The following NLGN4X variants were observed in gnomAD, a reference collection of about 807,000 sequenced individuals.
NLGN4X encodes neuroligin 4 X-linked, also known as neuroligin-4, X-linked.
A neutral mutation model predicts 40.3 loss-of-function variants in NLGN4X; 3 were observed. That is an observed-to-expected ratio of 0.07 (90% CI 0.03 to 0.19). The LOEUF is 0.19. Ranked by LOEUF, NLGN4X falls within the 10% of genes least tolerant of loss-of-function variation. The probability of loss-of-function intolerance (pLI) is 1.00; values close to 1 mark genes in which losing one functional copy is unlikely to be tolerated. For missense variants in NLGN4X, 382 were observed against 708.3 expected, an observed-to-expected ratio of 0.54 and a Z score of 5.23; for synonymous variants, 270 against 306.8, an observed-to-expected ratio of 0.88 and a Z score of 1.25.
intron 2 of NLGN4X, among the ~76,000 whole-genome samples, chrX:6,119,384 ACT>A (rs1430200333): frequency 8.9e-6 from 1 of 112,346 alleles, no homozygotes; most frequent in Non-Finnish European, 1.9e-5. Context: ...AATAATACAA[ACT>A]GGTAAATACT....
At chrX:5,962,602 A>G (rs776964143) in intron 3 of NLGN4X, among the ~76,000 whole-genome samples, 12 of 112,359 alleles carry the variant, frequency 1.1e-4, no homozygotes, top group Non-Finnish European at 2.3e-4. Context: ...TTCCTATACT[A>G]TCTCCTTTTA....
chrX:5,963,361 G>C (rs976331488), intron 3 of NLGN4X, among the ~76,000 whole-genome samples: 2 of 111,870 alleles, frequency 1.8e-5, no homozygotes, highest in African/African-American at 6.5e-5. Context: ...TGGCTGAACT[G>C]TGTTCATGTT....
At chrX:5,999,622 C>G (rs932007128) in intron 3 of NLGN4X, among the ~76,000 whole-genome samples, 1 of 112,354 alleles carries the variant, frequency 8.9e-6, no homozygotes, top group Non-Finnish European at 1.9e-5. Flanking sequence ...AAATCAAACT[C>G]AATAATTGAA....
chrX:6,224,936 T>C (rs73457054), intron 1 of NLGN4X, among the ~76,000 whole-genome samples: 9,298 of 95,524 alleles, frequency 0.097, 464 homozygotes, highest in East Asian at 0.15. Context: ...CTGGCCCTGA[T>C]TATGTTCTTA....
At chrX:6,213,519 A>C (rs1924798328) in intron 1 of NLGN4X, among the ~76,000 whole-genome samples, 1 of 112,337 alleles carries the variant, frequency 8.9e-6, no homozygotes. Context: ...TAAGTGTAAC[A>C]GATGGTCACG....
intron 5 of NLGN4X, among the ~76,000 whole-genome samples, chrX:5,900,521 G>A (rs1398557047): frequency 9.9e-6 from 1 of 101,463 alleles, no homozygotes; most frequent in Admixed American, 1.1e-4. Context: ...AGCGTGAACC[G>A]ATACATTTCT....
intron 2 of NLGN4X, among the ~76,000 whole-genome samples, chrX:6,112,347 A>C (rs1029832815): frequency 9.0e-6 from 1 of 111,584 alleles, no homozygotes; most frequent in Non-Finnish European, 1.9e-5. Flanking sequence ...AGGAATTTGA[A>C]AAAAAGTTAC....
Position 5,891,062 on chromosome X carries a change from T to C in NLGN4X, c.*1755A>G, listed in dbSNP as rs1213016219. The C allele has an allele frequency of 1.3e-5, 4 of 297,191 alleles. No individual in the cohort carries two copies. The Admixed American group carries it at 1.5e-4, about 11-fold the overall frequency. 24.5% of individuals were successfully genotyped at this position (297,191 alleles called of 1,213,427 possible). On this transcript the variant is annotated 3_prime_UTR_variant, in exon 6 of 6. Coordinates refer to ENST00000381095, the MANE Select transcript of NLGN4X (RefSeq NM_181332.3). ...ATCTTTGGCTACTGTTTCTTGGTAATGCAATAATTTTTCAAAAAAGTATCC... is the reference window on the plus strand; with the variant it reads ...ATCTTTGGCTACTGTTTCTTGGTAACGCAATAATTTTTCAAAAAAGTATCC...
chrX:6,034,500 T>C (rs749370683), intron 2 of NLGN4X, among the ~76,000 whole-genome samples: 5 of 112,406 alleles, frequency 4.4e-5, no homozygotes, highest in Non-Finnish European at 7.5e-5. Flanking sequence ...ATTGCATAGA[T>C]ACCTAGGGGT....
At chrX:6,050,854 T>C (rs759977880) in intron 2 of NLGN4X, among the ~76,000 whole-genome samples, 1 of 111,692 alleles carries the variant, frequency 9.0e-6, no homozygotes, top group Non-Finnish European at 1.9e-5. Context: ...CCTATTTATC[T>C]CCTGGTGACC....
chrX:6,000,804 G>C (rs968515556), intron 3 of NLGN4X, among the ~76,000 whole-genome samples: 1 of 111,353 alleles, frequency 9.0e-6, no homozygotes, highest in Admixed American at 9.6e-5. Flanking sequence ...CCTTCAAACT[G>C]TTCCAATTTC....
intron 2 of NLGN4X, among the ~76,000 whole-genome samples, chrX:6,039,395 A>G (rs1044142260): frequency 4.5e-5 from 5 of 111,884 alleles, no homozygotes; most frequent in African/African-American, 1.3e-4. Context: ...GAATGAGCCC[A>G]GCCAAGACCA....
intron 3 of NLGN4X, among the ~76,000 whole-genome samples, chrX:5,928,866 T>A (rs904432624): frequency 9.1e-6 from 1 of 110,272 alleles, no homozygotes; most frequent in African/African-American, 3.3e-5. Flanking sequence ...AGTTTTTTTT[T>A]AGAGATGGTA....
At chrX:6,220,642 A>G (rs191273855) in intron 1 of NLGN4X, among the ~76,000 whole-genome samples, 74 of 107,885 alleles carry the variant, frequency 6.9e-4, no homozygotes, top group Non-Finnish European at 1.1e-3. Flanking sequence ...TTAAACACAT[A>G]CTTTCTACTT....
chrX:6,165,287 G>A (rs967728008), intron 1 of NLGN4X, among the ~76,000 whole-genome samples: 16 of 111,379 alleles, frequency 1.4e-4, no homozygotes, highest in African/African-American at 4.9e-4. Context: ...AGCATGGGAA[G>A]GAAGAATAGG....
At chrX:6,131,286 G>A (rs913661317) in intron 2 of NLGN4X, among the ~76,000 whole-genome samples, 2 of 111,348 alleles carry the variant, frequency 1.8e-5, no homozygotes, top group African/African-American at 3.3e-5. Context: ...AATGTTCCAT[G>A]TCTTGATAAA....
At chrX:5,967,559 T>C (rs1180636123) in intron 3 of NLGN4X, among the ~76,000 whole-genome samples, 4 of 107,646 alleles carry the variant, frequency 3.7e-5, no homozygotes, top group African/African-American at 1.3e-4. Flanking sequence ...GTCATTCCAC[T>C]ACCTTTCTGC....
intron 2 of NLGN4X, among the ~76,000 whole-genome samples, chrX:6,042,069 T>G (rs2037173279): frequency 8.9e-6 from 1 of 112,219 alleles, no homozygotes; most frequent in South Asian, 3.7e-4. Context: ...GAAATGCTTT[T>G]GTGATGCCAG....
At position 6,042,015 on chromosome X, in the gene NLGN4X, T is replaced by C. The variant is rs1048960030; in HGVS notation, c.473-12583A>G. Among the ~76,000 whole-genome samples, 4 of 112,421 alleles carry C rather than the reference T, an allele frequency of 3.6e-5. No homozygotes were observed. In the East Asian group the frequency reaches 1.1e-3, roughly 31 times the overall value. On this transcript the variant is annotated intron_variant, in intron 2 of 5. Coordinates refer to ENST00000381095, the MANE Select transcript of NLGN4X (RefSeq NM_181332.3). ...CAATAACATGATTTTGGTTAGCATA[T>C]TGTATATAAGAATTCTGCCATTTGT... is the stretch of plus-strand genomic sequence containing the variant.
Sources: allele counts gnomAD v4.1 joint callset (sites outside exome capture counted in the v4.1 genomes callset), GRCh38; gene constraint gnomAD v4.1.1; transcripts MANE v1.5; gene names NCBI Gene and HGNC (gene_info 2026-07-23, HGNC 2026-07-21).